FABP12: variants seen among roughly 807,000 people sequenced by gnomAD.
FABP12 encodes the protein fatty acid-binding protein 12.
Under a neutral mutation model 13.7 loss-of-function variants are expected in FABP12, and 19 were observed. The ratio of observed to expected loss-of-function variants is 1.39; its 90% CI spans 0.97 to 2.04. FABP12 has a LOEUF of 2.04. Among genes scored for constraint, FABP12 ranks in the 30% most tolerant of loss-of-function variants. FABP12 has a pLI of 0.00. For missense variants in FABP12, 182 were observed against 164.2 expected (o/e 1.11, Z -0.59); for synonymous variants, 61 against 57.0 (o/e 1.07, Z -0.32).
chr8:81,540,983 T>C (rs1585841534), intron 1 of FABP12, among the ~76,000 whole-genome samples: 1 of 151,850 alleles, frequency 6.6e-6, no homozygotes, highest in South Asian at 2.1e-4. Flanking sequence ...CTGGCCAAGA[T>C]AGTGAAACCT....
chr8:81,531,455 C>T (rs1585835784), intron 1 of FABP12, 65 bp from the exon 2 acceptor site: 1 of 593,748 alleles, frequency 1.7e-6, no homozygotes. Context: ...AAATAAGGAA[C>T]TCTAATCCTT....
At chr8:81,531,254 A>C in exon 2 of FABP12, 1 of 1,606,452 alleles carries the variant, frequency 6.2e-7, no homozygotes, top group Admixed American at 1.7e-5. Flanking sequence ...CAGCTCCTTC[A>C]TGTAGTCTTC....
chr8:81,585,627 C>A (rs1810228701), intron 1 of FABP12, among the ~76,000 whole-genome samples: 1 of 152,048 alleles, frequency 6.6e-6, no homozygotes, highest in Admixed American at 6.6e-5. Flanking sequence ...ATATCATTGG[C>A]ATTTTGGTAG....
intron 1 of FABP12, among the ~76,000 whole-genome samples, chr8:81,543,074 C>A (rs781371989): frequency 1.3e-5 from 2 of 152,112 alleles, no homozygotes; most frequent in African/African-American, 4.8e-5. Flanking sequence ...CAATTTAGGA[C>A]CTTTAAGCTT....
chr8:81,579,298 T>C (rs1379606407), intron 1 of FABP12, among the ~76,000 whole-genome samples: 2 of 152,060 alleles, frequency 1.3e-5, no homozygotes, highest in East Asian at 3.9e-4. Context: ...TTTTCAGATT[T>C]CTCCGACAGC....
intron 2 of FABP12, among the ~76,000 whole-genome samples, chr8:81,539,354 TA>T (rs1464471328): frequency 2.7e-5 from 4 of 148,666 alleles, no homozygotes; most frequent in African/African-American, 9.8e-5. Flanking sequence ...ATAATTATAA[TA>T]ATTATATGAT....
chr8:81,575,649 A>G (rs1810030879), intron 1 of FABP12, among the ~76,000 whole-genome samples: 2 of 152,148 alleles, frequency 1.3e-5, no homozygotes, highest in Admixed American at 1.3e-4. Flanking sequence ...TGTTAGCTGT[A>G]TATATGTTTA....
chr8:81,558,361 C>A (rs1170636710), intron 1 of FABP12, among the ~76,000 whole-genome samples: 1 of 152,042 alleles, frequency 6.6e-6, no homozygotes, highest in Non-Finnish European at 1.5e-5. Context: ...GGATTTTGAG[C>A]AATTTGCAGG....
At chr8:81,532,629 G>T (rs571510423) in intron 1 of FABP12, among the ~76,000 whole-genome samples, 1 of 152,160 alleles carries the variant, frequency 6.6e-6, no homozygotes, top group Admixed American at 6.5e-5. Flanking sequence ...AAGATCAGCC[G>T]GGCCAATATG....
At chr8:81,570,119 G>A (rs1809899495) in intron 1 of FABP12, among the ~76,000 whole-genome samples, 1 of 152,222 alleles carries the variant, frequency 6.6e-6, no homozygotes, top group Non-Finnish European at 1.5e-5. Context: ...CCGGTGCATT[G>A]CAAACAGCTT....
rs539564568 is a variant in FABP12 at position 81,554,872 on chromosome 8, G to A, written c.-184-15129C>T. Reference sequence around the variant, plus strand: ...AAAGTTTACGAATTTGTGTTGGGCGGCATTCAAAGCCATGCTAGGTCGTGT... The same window carrying A: ...AAAGTTTACGAATTTGTGTTGGGCGACATTCAAAGCCATGCTAGGTCGTGT... On this transcript the variant is annotated intron_variant, in intron 1 of 5. Coordinates refer to the FABP12 transcript ENST00000692030. Among the ~76,000 whole-genome samples, 19 of 152,186 alleles carry A rather than the reference G, an allele frequency of 1.2e-4. No individual in the cohort carries two copies. The South Asian group carries it at 3.7e-3, about 30-fold the overall frequency.
chr8:81,532,116 A>T (rs1288302195), intron 1 of FABP12, among the ~76,000 whole-genome samples: 1 of 152,202 alleles, frequency 6.6e-6, no homozygotes, highest in Non-Finnish European at 1.5e-5. Flanking sequence ...GTAAAATCTC[A>T]GTGTCCACTA....
At chr8:81,535,374 G>C (rs755139372), upstream of FABP12, among the ~76,000 whole-genome samples, 1 of 152,134 alleles carries the variant, frequency 6.6e-6, no homozygotes, top group African/African-American at 2.4e-5. Context: ...GAGTGTGGGG[G>C]TGCAGTTTCA....
chr8:81,527,057 G>C, exon 4 of FABP12: 2 of 1,611,826 alleles, frequency 1.2e-6, no homozygotes, highest in Non-Finnish European at 1.7e-6. Context: ...TCTCGTTATG[G>C]TGGTTTCTTT....
intron 1 of FABP12, among the ~76,000 whole-genome samples, chr8:81,547,082 GAGA>G (rs543571161): frequency 5.9e-5 from 9 of 152,244 alleles, no homozygotes; most frequent in South Asian, 2.1e-4. Context: ...TACAGCTAGA[GAGA>G]AGAAGAAAAG....
chr8:81,547,722 T>A (rs556569071), intron 1 of FABP12, among the ~76,000 whole-genome samples: 1 of 152,262 alleles, frequency 6.6e-6, no homozygotes, highest in African/African-American at 2.4e-5. Context: ...GTGTATTAAG[T>A]TTTTGTGCCC....
intron 1 of FABP12, among the ~76,000 whole-genome samples, chr8:81,564,815 TAGG>T (rs1246774066): frequency 1.3e-5 from 2 of 151,944 alleles, no homozygotes; most frequent in African/African-American, 4.8e-5. Context: ...AAGAAACTGG[TAGG>T]AGTAAGTCTT....
intron 2 of FABP12, among the ~76,000 whole-genome samples, chr8:81,539,204 T>C (rs1296598662): frequency 1.3e-5 from 2 of 152,162 alleles, no homozygotes; most frequent in African/African-American, 4.8e-5. Context: ...CATTTAAACT[T>C]ATTTGCAATT....
intron 1 of FABP12, among the ~76,000 whole-genome samples, chr8:81,570,358 G>A (rs1377646128): frequency 6.6e-6 from 1 of 152,220 alleles, no homozygotes; most frequent in Admixed American, 6.5e-5. Flanking sequence ...CATTTGGCAG[G>A]TCCGAAGTTC....
Sources: allele counts gnomAD v4.1 joint callset (sites outside exome capture counted in the v4.1 genomes callset), GRCh38; gene constraint gnomAD v4.1.1; transcripts MANE v1.5; gene names NCBI Gene and HGNC (gene_info 2026-07-23, HGNC 2026-07-21).